CYB5A: variants seen among roughly 807,000 people sequenced by gnomAD.
CYB5A encodes cytochrome b5.
CYB5A carries 10 observed loss-of-function variants against 16.2 expected under a neutral mutation model. The ratio of observed to expected loss-of-function variants is 0.62; its 90% CI spans 0.38 to 1.04. The LOEUF (loss-of-function observed/expected upper bound fraction) is 1.04, where lower values mean the gene tolerates loss of function less well. CYB5A is among the 50% of genes least tolerant of loss of function. CYB5A has a pLI of 0.01. For synonymous variants in CYB5A, 62 were observed against 57.0 expected, an observed-to-expected ratio of 1.09 and a Z score of -0.40; for missense variants, 161 against 165.9, an observed-to-expected ratio of 0.97 and a Z score of 0.16.
chr18:74,272,806 C>A (rs1982720954), intron 1 of CYB5A, among the ~76,000 whole-genome samples: 1 of 151,918 alleles, frequency 6.6e-6, no homozygotes, highest in Non-Finnish European at 1.5e-5. Flanking sequence ...CCTGTATCCT[C>A]AGCTACTTGG....
intron 3 of CYB5A, 35 bp downstream of exon 3, chr18:74,260,880 G>A (rs375364544): frequency 2.7e-5 from 43 of 1,590,200 alleles, no homozygotes; most frequent in Non-Finnish European, 3.5e-5. Context: ...AATACAACGA[G>A]AACATCCAGA....
chr18:74,253,715 G>C, intron 4 of CYB5A, 50 bp from the exon 5 acceptor site: 1 of 1,299,750 alleles, frequency 7.7e-7, no homozygotes, highest in Non-Finnish European at 1.1e-6. Flanking sequence ...CACTGTGGTG[G>C]ACTCAAAATC....
intron 3 of CYB5A, 163 bp from the exon 4 acceptor site, chr18:74,255,938 A>C (rs1555687957): frequency 3.2e-6 from 2 of 616,972 alleles, no homozygotes; most frequent in Non-Finnish European, 5.8e-6. Context: ...AAAATGCCTA[A>C]CTTTGTTTTC....
At chr18:74,275,291 G>A (rs111636559) in intron 1 of CYB5A, among the ~76,000 whole-genome samples, 3,149 of 152,228 alleles carry the variant, frequency 0.021, 62 homozygotes, top group African/African-American at 0.058. Flanking sequence ...CCTCCTTGCA[G>A]CTACATATCT....
chr18:74,253,193 G>A lies in CYB5A; in HGVS notation c.*391C>T. 3.6e-6 allele frequency: 1 copy of A among 276,740 alleles called. No individual in the cohort carries two copies. Among genetic ancestry groups the A allele is most frequent in the Non-Finnish European group, 7.0e-6 (1 of 142,578 alleles). 17.1% of individuals were successfully genotyped at this position (276,740 alleles called of 1,614,324 possible). A position where few individuals can be genotyped will look rare whatever the true frequency, so the allele number is the denominator to read the frequency against. On this transcript the variant is annotated 3_prime_UTR_variant, in exon 5 of 5. Coordinates refer to ENST00000340533, the MANE Select transcript of CYB5A (RefSeq NM_148923.4). The stretch of plus-strand genomic sequence containing the variant: ...CTATTTCCCGCACCTCCAGTCATAT[G>A]GCCTCTGTGGGTCTGGATGAGTAAC...
chr18:74,264,530 G>C (rs1338557526), intron 1 of CYB5A, among the ~76,000 whole-genome samples: 1 of 152,194 alleles, frequency 6.6e-6, no homozygotes, highest in Admixed American at 6.5e-5. Context: ...CTGCGTGCCG[G>C]CAATGCACGG....
chr18:74,251,682 G>C lies in CYB5A; in HGVS notation c.*1902C>G, dbSNP rs1317850356. 6.6e-6 allele frequency: 1 copy of C among 152,180 alleles called. No homozygotes were observed. Among genetic ancestry groups the C allele is most frequent in the African/African-American group, 2.4e-5 (1 of 41,444 alleles). The allele number at this position is 152,180 out of a possible 1,614,324, so 9.4% of individuals were successfully genotyped here. ...TGAAGGGAAAGCAATAGAGAAAAAA[G>C]TGTCAAATATCTTTCCTTGAGAGTC... On this transcript the variant is annotated 3_prime_UTR_variant, in exon 5 of 5. Transcript: ENST00000340533.
At chr18:74,255,919 C>A (rs1279610395) in intron 3 of CYB5A, 144 bp from the exon 4 acceptor site, 25 of 659,310 alleles carry the variant, frequency 3.8e-5, no homozygotes, top group Non-Finnish European at 6.5e-5. Context: ...TTATAAACTT[C>A]TTTTCACTAA....
intron 1 of CYB5A, among the ~76,000 whole-genome samples, chr18:74,264,697 C>T (rs1982364624): frequency 6.6e-6 from 1 of 152,164 alleles, no homozygotes; most frequent in Non-Finnish European, 1.5e-5. Flanking sequence ...GGTTCAACTC[C>T]ACACTGGGGA....
chr18:74,264,071 C>T (rs183167071), intron 1 of CYB5A, among the ~76,000 whole-genome samples: 87 of 152,144 alleles, frequency 5.7e-4, no homozygotes, highest in African/African-American at 1.6e-3. Flanking sequence ...ATTAGCCAGC[C>T]GTGGTGGCGG....
Position 74,263,018 on chromosome 18 carries a change from G to T in CYB5A, c.258+331C>A, listed in dbSNP as rs142035334. ...TATGAAATTTATCAGGCGTGGAGGTGTGTGCCTGTAGTCCCAGCTACCAAG... is the reference window on the plus strand; with the variant it reads ...TATGAAATTTATCAGGCGTGGAGGTTTGTGCCTGTAGTCCCAGCTACCAAG... On this transcript the variant is annotated intron_variant, in intron 2 of 4. Coordinates refer to ENST00000340533, the MANE Select transcript of CYB5A (RefSeq NM_148923.4). Among the ~76,000 whole-genome samples the T allele has an allele frequency of 1.8e-4, 27 of 152,136 alleles. No individual in the cohort carries two copies. The East Asian group carries it at 5.0e-3, about 28-fold the overall frequency.
intron 1 of CYB5A, among the ~76,000 whole-genome samples, chr18:74,285,386 G>T (rs1983279404): frequency 6.6e-6 from 1 of 152,182 alleles, no homozygotes; most frequent in African/African-American, 2.4e-5. Flanking sequence ...GGTATTACTT[G>T]CCACAGCTTC....
At chr18:74,282,915 G>T (rs1319237745) in intron 1 of CYB5A, among the ~76,000 whole-genome samples, 1 of 152,158 alleles carries the variant, frequency 6.6e-6, no homozygotes, top group Non-Finnish European at 1.5e-5. Context: ...GTTTCCAAAA[G>T]ATCAAGTTTT....
chr18:74,269,717 C>G (rs1208109537), intron 1 of CYB5A, among the ~76,000 whole-genome samples: 1 of 152,162 alleles, frequency 6.6e-6, no homozygotes, highest in Non-Finnish European at 1.5e-5. Context: ...TTCCATCAGC[C>G]AATCCAGTTG....
At chr18:74,255,647 C>T in intron 4 of CYB5A, 94 bp downstream of exon 4, 1 of 1,024,108 alleles carries the variant, frequency 9.8e-7, no homozygotes, top group South Asian at 1.3e-5. Flanking sequence ...CAGTGTCAGG[C>T]CCAGGAACCC....
chr18:74,289,936 C>A (rs1236752686), intron 1 of CYB5A, among the ~76,000 whole-genome samples: 2 of 152,080 alleles, frequency 1.3e-5, no homozygotes, highest in Non-Finnish European at 2.9e-5. Context: ...AAAAAACTCG[C>A]TTTAGGAGAA....
At chr18:74,260,782 T>A (rs757790894) in intron 3 of CYB5A, 133 bp downstream of exon 3, 1 of 787,908 alleles carries the variant, frequency 1.3e-6, no homozygotes, top group Non-Finnish European at 2.3e-6. Flanking sequence ...GCTGAGCCAG[T>A]AGGTTACATA....
rs1983549371 is a variant in CYB5A, at chr18:74,291,681, C to T, written c.129+66G>A. ...GGACTCCGGGCCGCGAAAGACAGGTCATGCCAGTGAACCCCCAAACCCGGC... is the reference window on the plus strand; with the variant it reads ...GGACTCCGGGCCGCGAAAGACAGGTTATGCCAGTGAACCCCCAAACCCGGC... On this transcript the variant is annotated intron_variant, in intron 1 of 4. Transcript: ENST00000340533. 2.9e-5 allele frequency: 46 copies of T among 1,609,382 alleles called. No individual in the cohort carries two copies. In the East Asian group the frequency reaches 1.0e-3, roughly 36 times the overall value.
chr18:74,254,530 T>A (rs1033383920), intron 4 of CYB5A, among the ~76,000 whole-genome samples: 2 of 152,020 alleles, frequency 1.3e-5, no homozygotes. Flanking sequence ...AATCTTTTTT[T>A]TTTTTTTGAT....
Sources: allele counts gnomAD v4.1 joint callset (sites outside exome capture counted in the v4.1 genomes callset), GRCh38; gene constraint gnomAD v4.1.1; transcripts MANE v1.5; gene names NCBI Gene and HGNC (gene_info 2026-07-23, HGNC 2026-07-21).